KIAA0825: variants seen among roughly 807,000 people sequenced by gnomAD.
KIAA0825 encodes KIAA0825.
KIAA0825 carries 119 observed loss-of-function variants against 147.6 expected under a neutral mutation model. The observed-to-expected ratio is 0.81, with a 90% CI of 0.69 to 0.94. KIAA0825 has a LOEUF of 0.94. KIAA0825 is among the 40% of genes least tolerant of loss of function. The pLI is 0.00. For synonymous variants in KIAA0825, 470 were observed against 518.1 expected (o/e 0.91, Z 1.26); for missense variants, 1,381 against 1,472.7 (o/e 0.94, Z 1.02).
intron 18 of KIAA0825, among the ~76,000 whole-genome samples, chr5:94,388,258 A>G (rs1749440261): frequency 1.3e-5 from 2 of 152,196 alleles, no homozygotes; most frequent in Admixed American, 1.3e-4. Flanking sequence ...CTCAGGTGGT[A>G]ATGCACACTA....
intron 12 of KIAA0825, among the ~76,000 whole-genome samples, chr5:94,458,033 T>G (rs527578898): frequency 1.3e-5 from 2 of 152,316 alleles, no homozygotes; most frequent in African/African-American, 4.8e-5. Context: ...ATGACTAAGA[T>G]AGCCCTGAAA....
At chr5:94,600,562 A>G (rs1786211403) in intron 1 of KIAA0825, among the ~76,000 whole-genome samples, 1 of 152,076 alleles carries the variant, frequency 6.6e-6, no homozygotes, top group Non-Finnish European at 1.5e-5. Context: ...TCTTTCTCCA[A>G]TATATATTTA....
intron 2 of KIAA0825, among the ~76,000 whole-genome samples, chr5:94,577,797 C>T (rs895316631): frequency 6.6e-6 from 1 of 152,146 alleles, no homozygotes; most frequent in Non-Finnish European, 1.5e-5. Context: ...AACCTTTAAA[C>T]AAATATTCTT....
chr5:94,583,376 C>T (rs1782607400), intron 1 of KIAA0825, among the ~76,000 whole-genome samples: 1 of 152,180 alleles, frequency 6.6e-6, no homozygotes, highest in Non-Finnish European at 1.5e-5. Context: ...CTTGGTGGGC[C>T]CCACACCCAT....
At position 94,575,967 on chromosome 5, in the gene KIAA0825, A is replaced by T. The variant is rs1159249545; in HGVS notation, c.-2+6466T>A. Among the ~76,000 whole-genome samples the T allele has an allele frequency of 3.3e-5, 5 of 152,340 alleles. No homozygotes were observed. In the East Asian group the frequency reaches 7.7e-4, roughly 23 times the overall value. On this transcript the variant is annotated intron_variant, in intron 2 of 20. Transcript: ENST00000682413. ...TGACAGAATGGTAGCTCATGAATAG[A>T]TTTTAAAAATTTAGGAGGAAAATAG...
intron 2 of KIAA0825, among the ~76,000 whole-genome samples, chr5:94,575,456 A>T (rs1780832609): frequency 6.6e-6 from 1 of 152,186 alleles, no homozygotes; most frequent in African/African-American, 2.4e-5. Flanking sequence ...CTCAGAGAAA[A>T]CCAGGCCGCT....
At chr5:94,529,212 T>TATATATGTATGTATC (rs1770026615) in intron 3 of KIAA0825, among the ~76,000 whole-genome samples, 1 of 129,258 alleles carries the variant, frequency 7.7e-6, no homozygotes, top group South Asian at 2.2e-4. Context: ...ATATATATCA[T>TATATATGTATGTATC]ATATATGTAT....
intron 1 of KIAA0825, among the ~76,000 whole-genome samples, chr5:94,584,096 A>G (rs1782779421): frequency 6.6e-6 from 1 of 152,242 alleles, no homozygotes; most frequent in Non-Finnish European, 1.5e-5. Flanking sequence ...TAGAGCAGAA[A>G]GACTGAAAAT....
intron 20 of KIAA0825, among the ~76,000 whole-genome samples, chr5:94,164,029 G>A (rs1296249043): frequency 6.6e-6 from 1 of 152,140 alleles, no homozygotes; most frequent in South Asian, 2.1e-4. Flanking sequence ...TATTTAATAT[G>A]TATCACAATG....
intron 20 of KIAA0825, among the ~76,000 whole-genome samples, chr5:94,379,311 C>G (rs1748039540): frequency 2.0e-5 from 3 of 152,090 alleles, no homozygotes; most frequent in Admixed American, 2.0e-4. Flanking sequence ...CAGTTTCAAT[C>G]TTTTGCGTAT....
Position 94,464,881 on chromosome 5 carries a change from GT to G in KIAA0825, c.2050del (p.Thr684LeufsTer4). 6.4e-7 allele frequency: 1 copy of G among 1,550,712 alleles called. No individual in the cohort carries two copies. The highest frequency in any genetic ancestry group is 8.7e-7 in the Non-Finnish European group (1 of 1,146,616). On this transcript the variant is annotated frameshift_variant, in exon 11 of 21. Coordinates refer to ENST00000682413, the MANE Select transcript of KIAA0825 (RefSeq NM_001145678.3). LOFTEE classifies it high-confidence loss of function. ...GAACTTCAATTACCTTAACTGTGGA[GT>G]TCTTTTACGGCTGGGGTGGGCCCGA... Reference protein sequence around the residue: ...YARAHPSRKRTPQLRLDVTTI... With the variant: ...YARAHPSRKRXPQLRLDVTTI...
chr5:94,246,752 T>A (rs909619759), intron 20 of KIAA0825, among the ~76,000 whole-genome samples: 1 of 152,100 alleles, frequency 6.6e-6, no homozygotes, highest in Admixed American at 6.6e-5. Flanking sequence ...AAACTGAATC[T>A]CAGAGAGGTT....
chr5:94,519,688 T>G (rs1340430775), intron 5 of KIAA0825: 1 of 719,696 alleles, frequency 1.4e-6, no homozygotes, highest in Non-Finnish European at 1.7e-6. Context: ...TTATTAGAAT[T>G]GACTGACTAA....
At chr5:94,335,674 T>C (rs1462963904) in intron 20 of KIAA0825, among the ~76,000 whole-genome samples, 6 of 152,084 alleles carry the variant, frequency 3.9e-5, no homozygotes, top group African/African-American at 1.2e-4. Flanking sequence ...TATGAAATAA[T>C]AATTGATTAT....
At chr5:94,412,759 G>A (rs1013305245) in intron 15 of KIAA0825, among the ~76,000 whole-genome samples, 2 of 152,018 alleles carry the variant, frequency 1.3e-5, no homozygotes, top group Non-Finnish European at 2.9e-5. Flanking sequence ...CCACTTCTAA[G>A]TACTTACTGA....
intron 5 of KIAA0825, among the ~76,000 whole-genome samples, chr5:94,495,248 G>A (rs1032054158): frequency 6.6e-6 from 1 of 152,208 alleles, no homozygotes; most frequent in Non-Finnish European, 1.5e-5. Context: ...TAGAGAAGAC[G>A]TGTCTCAGGT....
intron 10 of KIAA0825, among the ~76,000 whole-genome samples, chr5:94,466,749 A>AT (rs1397827889): frequency 6.6e-6 from 1 of 151,190 alleles, no homozygotes; most frequent in Non-Finnish European, 1.5e-5. Context: ...AAAAAAAAAA[A>AT]AAAAAAAAAA....
Position 94,509,765 on chromosome 5 carries a change from A to G in KIAA0825, c.970+10483T>C, listed in dbSNP as rs150457300. Among the ~76,000 whole-genome samples the G allele has an allele frequency of 4.3e-3, 659 of 152,328 alleles. 2 individuals carry two copies. The highest frequency in any genetic ancestry group is 7.6e-3 in the Non-Finnish European group (516 of 68,024). On this transcript the variant is annotated intron_variant, in intron 5 of 20. Coordinates refer to ENST00000682413, the MANE Select transcript of KIAA0825 (RefSeq NM_001145678.3). ...TACATTTAACTATTAAATCTTAAAGAGGCTGTGATTGCTGCATTTTCCTAT... is the reference window on the plus strand; with the variant it reads ...TACATTTAACTATTAAATCTTAAAGGGGCTGTGATTGCTGCATTTTCCTAT...
chr5:94,152,858 ATAT>A lies in KIAA0825; in HGVS notation c.*1146_*1148del, dbSNP rs1766656820. On this transcript the variant is annotated 3_prime_UTR_variant, in exon 21 of 21. Coordinates refer to ENST00000682413, the MANE Select transcript of KIAA0825 (RefSeq NM_001145678.3). Reference sequence around the variant, plus strand: ...AAAAAAAAAAAAAAAAAAAAAAATTATATATATATATATATATATATATATATA... The same window carrying A: ...AAAAAAAAAAAAAAAAAAAAAAATTAATATATATATATATATATATATATA... The A allele has an allele frequency of 1.0e-3, 3 of 2,880 alleles. No homozygotes were observed. The highest frequency in any genetic ancestry group is 3.0e-3 in the African/African-American group (2 of 664). The allele number at this position is 2,880 out of a possible 1,614,324, so 0.2% of individuals were successfully genotyped here.
Sources: allele counts gnomAD v4.1 joint callset (sites outside exome capture counted in the v4.1 genomes callset), GRCh38; gene constraint gnomAD v4.1.1; transcripts MANE v1.5; gene names NCBI Gene and HGNC (gene_info 2026-07-23, HGNC 2026-07-21).